CKAP5: variants seen among roughly 807,000 people sequenced by gnomAD.
CKAP5 encodes the protein cytoskeleton associated protein 5, also known as cytoskeleton-associated protein 5.
Under a neutral mutation model 232.8 loss-of-function variants are expected in CKAP5, and 27 were observed. The observed-to-expected ratio is 0.12, with a 90% CI of 0.09 to 0.16. CKAP5 has a LOEUF of 0.16. CKAP5 is among the 10% of genes least tolerant of loss of function. The probability of loss-of-function intolerance (pLI) is 1.00; values close to 1 mark genes in which losing one functional copy is unlikely to be tolerated. For missense variants in CKAP5, 1,838 were observed against 2,424.7 expected (o/e 0.76, Z 5.08); for synonymous variants, 785 against 841.1 (o/e 0.93, Z 1.16).
In CKAP5 at chr11:46,752,583, A is replaced by T. The variant is rs995098438; in HGVS notation, c.5133+52T>A. 7.8e-6 allele frequency: 11 copies of T among 1,416,762 alleles called. No homozygotes were observed. The African/African-American group carries it at 1.4e-4, about 18-fold the overall frequency. 87.8% of individuals were successfully genotyped at this position (1,416,762 alleles called of 1,614,324 possible). A position where few individuals can be genotyped will look rare whatever the true frequency, so the allele number is the denominator to read the frequency against. The stretch of plus-strand genomic sequence containing the variant: ...CAATTCCTCTTTCCCCATACTTTTA[A>T]CAAAGTGATTGCATCTTTGAAAGAA... On this transcript the variant is annotated intron_variant, in intron 38 of 43. Coordinates refer to ENST00000529230, the MANE Select transcript of CKAP5 (RefSeq NM_001008938.4).
chr11:46,841,739 G>A (rs1481942128), intron 1 of CKAP5, among the ~76,000 whole-genome samples: 1 of 152,128 alleles, frequency 6.6e-6, no homozygotes, highest in Non-Finnish European at 1.5e-5. Flanking sequence ...GGTGGCTCAC[G>A]CCTGTAATCC....
rs1476067241 is a variant in CKAP5, at chr11:46,838,009, CA to C, written c.-38+8210del. ...AAATTCACTGTAGAAACCTCACAAA[CA>C]CTATTTCAGGTCAATATGAACAGTC... On this transcript the variant is annotated intron_variant, in intron 1 of 43. Coordinates refer to ENST00000529230, the MANE Select transcript of CKAP5 (RefSeq NM_001008938.4). Among the ~76,000 whole-genome samples the C allele has an allele frequency of 1.3e-3, 191 of 152,248 alleles. 1 individual carries two copies. The highest frequency in any genetic ancestry group is 7.9e-4 in the Non-Finnish European group (54 of 68,016).
intron 1 of CKAP5, among the ~76,000 whole-genome samples, chr11:46,823,150 T>C (rs1939581005): frequency 6.6e-6 from 1 of 152,094 alleles, no homozygotes; most frequent in South Asian, 2.1e-4. Context: ...TTGAAATTTT[T>C]TGTAGAGACA....
At chr11:46,783,477 A>C in intron 17 of CKAP5, 109 bp from the exon 18 acceptor site, 1 of 646,582 alleles carries the variant, frequency 1.5e-6, no homozygotes, top group Non-Finnish European at 2.7e-6. Context: ...CGCTAAAACA[A>C]CTGCAAGAAT....
At chr11:46,761,297 A>G (rs1400137705) in intron 32 of CKAP5, among the ~76,000 whole-genome samples, 1 of 151,876 alleles carries the variant, frequency 6.6e-6, no homozygotes, top group Admixed American at 6.6e-5. Flanking sequence ...CCAATTAGTA[A>G]CTACAAATAA....
At chr11:46,804,936 A>G (rs1410457173) in intron 8 of CKAP5, among the ~76,000 whole-genome samples, 1 of 151,852 alleles carries the variant, frequency 6.6e-6, no homozygotes, top group African/African-American at 2.4e-5. Flanking sequence ...GAGGCATCTT[A>G]TAAATAAAAG....
chr11:46,788,179 GT>G (rs2065414340), intron 16 of CKAP5, among the ~76,000 whole-genome samples: 1 of 152,198 alleles, frequency 6.6e-6, no homozygotes, highest in Non-Finnish European at 1.5e-5. Context: ...TATATGTGAA[GT>G]TTCAACTGCA....
chr11:46,759,977 A>G (rs1341801590), intron 33 of CKAP5, among the ~76,000 whole-genome samples: 2 of 152,206 alleles, frequency 1.3e-5, no homozygotes, highest in Admixed American at 1.3e-4. Context: ...CATCCAAGAA[A>G]TAGGGATTCA....
chr11:46,776,499 A>G, intron 23 of CKAP5, 116 bp from the exon 24 acceptor site: 1 of 691,422 alleles, frequency 1.4e-6, no homozygotes, highest in South Asian at 3.7e-5. Flanking sequence ...CCACATGAAC[A>G]TACATGAAAC....
chr11:46,824,229 G>C (rs1433962477), intron 1 of CKAP5, among the ~76,000 whole-genome samples: 1 of 152,216 alleles, frequency 6.6e-6, no homozygotes, highest in Non-Finnish European at 1.5e-5. Flanking sequence ...ATTAGGATAT[G>C]TGGAACTTTC....
Position 46,811,147 on chromosome 11 carries a change from G to A in CKAP5, c.490C>T (p.Pro164Ser). Residue 164 changes from proline (P) to serine (S), a missense_variant, in exon 5 of 44, where the codon CCA (proline) becomes TCA (serine). Physicochemically the swap from Pro to Ser is moderately conservative, Grantham distance 74. Transcript: ENST00000529230. ...EFGSKIILLK[P>S]IIKVLPKLFE... ...AGTTTTGGCAACACTTTGATAATTG[G>A]CTTAAGCAAGATGATTTTGGAACCA... 1 of 1,613,248 alleles carries A rather than the reference G, an allele frequency of 6.2e-7. No homozygotes were observed. The highest frequency in any genetic ancestry group is 8.5e-7 in the Non-Finnish European group (1 of 1,179,770).
At chr11:46,793,984 A>G (rs1938808628) in intron 13 of CKAP5, among the ~76,000 whole-genome samples, 1 of 152,004 alleles carries the variant, frequency 6.6e-6, no homozygotes, top group Non-Finnish European at 1.5e-5. Flanking sequence ...GATTTTTGAC[A>G]AGGGTACCAA....
chr11:46,766,023 T>C (rs10734548), intron 27 of CKAP5, among the ~76,000 whole-genome samples: 97,753 of 152,096 alleles, frequency 0.64, 33,162 homozygotes, highest in Non-Finnish European at 0.77. Flanking sequence ...GCTTTAAATA[T>C]TTAAGTCACT....
intron 6 of CKAP5, 83 bp from the exon 7 acceptor site, chr11:46,809,583 T>G (rs373896086): frequency 3.7e-6 from 5 of 1,351,164 alleles, no homozygotes; most frequent in Middle Eastern, 1.8e-4. Flanking sequence ...ACAACCCTGA[T>G]GAAATTTTAA....
intron 18 of CKAP5, among the ~76,000 whole-genome samples, chr11:46,781,441 C>T (rs1015024016): frequency 8.5e-5 from 13 of 152,168 alleles, no homozygotes; most frequent in Non-Finnish European, 1.6e-4. Flanking sequence ...TCAAAAGCCC[C>T]TAATGCCTTC....
chr11:46,801,426 TTGGGAGGCCAAG>T (rs1939029050), intron 8 of CKAP5, 122 bp from the exon 9 acceptor site: 2 of 674,440 alleles, frequency 3.0e-6, no homozygotes, highest in Non-Finnish European at 5.1e-6. Context: ...TCCCAGCACT[TTGGGAGGCCAAG>T]GTGGGTGGAC....
At chr11:46,775,723 C>T (rs1280168464) in intron 24 of CKAP5, among the ~76,000 whole-genome samples, 1 of 151,828 alleles carries the variant, frequency 6.6e-6, no homozygotes, top group Non-Finnish European at 1.5e-5. Context: ...AACATAGGAA[C>T]AGAACACCAA....
rs746976519 is a variant in CKAP5, at chr11:46,790,603, T to C, written c.1651-20A>G. On this transcript the variant is annotated intron_variant, in intron 13 of 43. Transcript: ENST00000529230. ...ACCAGCCTAAAAACAATTTAAAAAA[T>C]AAAAATTAAACCACCTAAGGATTTA... The C allele has an allele frequency of 1.3e-6, 2 of 1,540,296 alleles. No individual in the cohort carries two copies. The highest frequency in any genetic ancestry group is 1.1e-5 in the South Asian group (1 of 87,886).
chr11:46,839,560 T>C (rs1045223613), intron 1 of CKAP5, among the ~76,000 whole-genome samples: 2 of 152,188 alleles, frequency 1.3e-5, no homozygotes. Flanking sequence ...AAATGCCATC[T>C]TTCCTCTAAA....
Sources: allele counts gnomAD v4.1 joint callset (sites outside exome capture counted in the v4.1 genomes callset), GRCh38; gene constraint gnomAD v4.1.1; transcripts MANE v1.5; gene names NCBI Gene and HGNC (gene_info 2026-07-23, HGNC 2026-07-21).